PCDHGA9: variants seen among roughly 807,000 people sequenced by gnomAD.
PCDHGA9 encodes protocadherin gamma subfamily A, 9.
PCDHGA9 carries 37 observed loss-of-function variants against 62.5 expected under a neutral mutation model. The observed-to-expected ratio is 0.59, with a 90% CI of 0.46 to 0.78. PCDHGA9 has a LOEUF of 0.78. PCDHGA9 is among the 30% of genes least tolerant of loss of function. The pLI is 0.00. For missense variants in PCDHGA9, 1,138 were observed against 1,166.2 expected, an observed-to-expected ratio of 0.98 and a Z score of 0.35; for synonymous variants, 459 against 484.6, an observed-to-expected ratio of 0.95 and a Z score of 0.69.
chr5:141,484,121 C>A (rs1451102473), intron 1 of PCDHGA9, among the ~76,000 whole-genome samples: 1 of 152,152 alleles, frequency 6.6e-6, no homozygotes, highest in African/African-American at 2.4e-5. Context: ...TCAAGAATAC[C>A]TTGGTGTCAG....
intron 1 of PCDHGA9, among the ~76,000 whole-genome samples, chr5:141,406,591 A>T (rs559975786): frequency 6.6e-6 from 1 of 152,164 alleles, no homozygotes; most frequent in African/African-American, 2.4e-5. Flanking sequence ...TTTCCCTTTA[A>T]TGGTGAAAGT....
chr5:141,404,484 C>G lies in PCDHGA9; in HGVS notation c.1532C>G (p.Thr511Ser). 6.2e-7 allele frequency: 1 copy of G among 1,613,504 alleles called. No individual in the cohort carries two copies. The highest frequency in any genetic ancestry group is 2.2e-5 in the East Asian group (1 of 44,888). Residue 511 changes from threonine (T) to serine (S), a missense_variant, in exon 1 of 4, where the codon ACT becomes AGT. Coordinates refer to ENST00000573521, the MANE Select transcript of PCDHGA9 (RefSeq NM_018921.3). ...ACCTATGTCTCTATTAACTCAGACA[C>G]TGGTGTGCTGTATGCTCTGTGCTCC... ...LSTYVSINSD[T>S]GVLYALCSFD...
chr5:141,405,375 C>T lies in PCDHGA9; in HGVS notation c.2423C>T (p.Pro808Leu), dbSNP rs368501516. The change falls in exon 1 of 4, where the codon CCG (proline) becomes CTG (leucine). Residue 808 changes from proline (P) to leucine (L), a missense_variant and splice_region_variant. Transcript: ENST00000573521. ...CCTATAGAAGACACCCCTTTGGTTC[C>T]GGTGAGTTCATTTTTTTTCTTTCTT... ...KFPIEDTPLV[P>L]QAPPNTDWRF... The T allele has an allele frequency of 3.2e-5, 51 of 1,602,124 alleles. No individual in the cohort carries two copies. Among genetic ancestry groups the T allele is most frequent in the East Asian group, 6.7e-5 (3 of 44,850 alleles).
chr5:141,436,875 A>C (rs1182313546), intron 1 of PCDHGA9, among the ~76,000 whole-genome samples: 3 of 152,236 alleles, frequency 2.0e-5, no homozygotes, highest in African/African-American at 7.2e-5. Context: ...TTAGGCCATA[A>C]AAGATGGGGG....
rs1380203392 is a variant in PCDHGA9, at chr5:141,404,882, G to T, written c.1930G>T (p.Val644Leu). Residue 644 changes from valine to leucine, a missense_variant, in exon 1 of 4, where the codon GTG (valine) becomes TTG (leucine). By Grantham distance (32) the Val-to-Leu change is conservative (BLOSUM62 1). Coordinates refer to ENST00000573521, the MANE Select transcript of PCDHGA9 (RefSeq NM_018921.3). ...DRDALKQSLV[V>L]AVQDHGQPPL... is the part of the protein sequence containing the mutation. Reference sequence around the variant, plus strand: ...AGATGCGCTCAAACAGAGCCTTGTGGTGGCTGTACAGGACCATGGCCAGCC... The same window carrying T: ...AGATGCGCTCAAACAGAGCCTTGTGTTGGCTGTACAGGACCATGGCCAGCC... 3 of 1,613,772 alleles carry T rather than the reference G, an allele frequency of 1.9e-6. No individual in the cohort carries two copies. The highest frequency in any genetic ancestry group is 2.5e-6 in the Non-Finnish European group (3 of 1,179,906).
chr5:141,404,463 A>C lies in PCDHGA9; in HGVS notation c.1511A>C (p.Tyr504Ser). 6.2e-7 allele frequency: 1 copy of C among 1,612,548 alleles called. No individual in the cohort carries two copies. Residue 504 changes from tyrosine to serine, a missense_variant, in exon 1 of 4, where the codon TAT (tyrosine) becomes TCT (serine). Coordinates refer to ENST00000573521, the MANE Select transcript of PCDHGA9 (RefSeq NM_018921.3). ...DTIQGSPLST[Y>S]VSINSDTGVL... ...ATCCAAGGGTCTCCTCTCTCCACCT[A>C]TGTCTCTATTAACTCAGACACTGGT...
intron 1 of PCDHGA9, among the ~76,000 whole-genome samples, chr5:141,452,199 G>T (rs2098736057): frequency 1.3e-5 from 2 of 151,778 alleles, no homozygotes; most frequent in African/African-American, 4.8e-5. Flanking sequence ...AATTGTTTTA[G>T]ATGTTACCAA....
chr5:141,417,236 A>T (rs1387216221), intron 1 of PCDHGA9: 2 of 152,220 alleles, frequency 1.3e-5, no homozygotes, highest in Admixed American at 1.3e-4. Flanking sequence ...TTTGTTGCTT[A>T]TCTTCAGTAC....
chr5:141,477,175 A>T lies in PCDHGA9; in HGVS notation c.2425-17632A>T, dbSNP rs1338347224. On this transcript the variant is annotated intron_variant, in intron 1 of 3. Transcript: ENST00000573521. This position sits in a 1 kb window ranked among gnomAD's most constrained non-coding sequence, Gnocchi z 4.9. ...TGAATGACAACGCCCCGGAGATCAC[A>T]GTCACCTCCGTGTACAGCCCAGTAC... is the stretch of plus-strand genomic sequence containing the variant. The T allele has an allele frequency of 1.2e-6, 2 of 1,614,186 alleles. No individual in the cohort carries two copies. The highest frequency in any genetic ancestry group is 3.3e-5 in the Admixed American group (2 of 60,028).
In PCDHGA9 at chr5:141,408,826, T is replaced by C. The variant is rs138252575; in HGVS notation, c.2424+3450T>C. ...TAGACCGGGAAGAACAGAGATCTCA[T>C]AGCTTGATATTGACTGCCTTGGACG... On this transcript the variant is annotated intron_variant, in intron 1 of 3. Coordinates refer to ENST00000573521, the MANE Select transcript of PCDHGA9 (RefSeq NM_018921.3). The C allele has an allele frequency of 6.1e-5, 98 of 1,613,582 alleles. No homozygotes were observed. The African/African-American group carries it at 9.9e-4, about 16-fold the overall frequency.
intron 1 of PCDHGA9, among the ~76,000 whole-genome samples, chr5:141,464,625 T>C (rs1477206347): frequency 6.6e-6 from 1 of 152,190 alleles, no homozygotes; most frequent in East Asian, 1.9e-4. Context: ...TGTCAAGCTT[T>C]TTAATTGTTG....
At chr5:141,419,527 C>T (rs755936657) in intron 1 of PCDHGA9, 4 of 1,612,064 alleles carry the variant, frequency 2.5e-6, no homozygotes, top group Non-Finnish European at 2.5e-6. Context: ...GCGACCGTAA[C>T]GACAACGCAC....
At position 141,414,787 on chromosome 5, in the gene PCDHGA9, G is replaced by C. The variant is rs372484037; in HGVS notation, c.2424+9411G>C. ...TCATGAGCTACAGATGCAGGTGACA[G>C]CCAGCGACAGCGGGGATCCTCCACT... On this transcript the variant is annotated intron_variant, in intron 1 of 3. Coordinates refer to ENST00000573521, the MANE Select transcript of PCDHGA9 (RefSeq NM_018921.3). 12 of 1,614,230 alleles carry C rather than the reference G, an allele frequency of 7.4e-6. No homozygotes were observed. The highest frequency in any genetic ancestry group is 2.2e-5 in the East Asian group (1 of 44,874).
chr5:141,413,036 T>TGGGCTGCA, intron 1 of PCDHGA9: 1 of 805,900 alleles, frequency 1.2e-6, no homozygotes, highest in Non-Finnish European at 1.9e-6. Flanking sequence ...AACCGGCTGC[T>TGGGCTGCA]GGGCTGCAGG....
Position 141,418,262 on chromosome 5 carries a change from A to G in PCDHGA9, c.2424+12886A>G. On this transcript the variant is annotated intron_variant, in intron 1 of 3. Transcript: ENST00000573521. Reference sequence around the variant, plus strand: ...TAATGACCACGCCCCTCAATTCCGGAAAGATGAAATAAACTTAGAAATCAG... The same window carrying G: ...TAATGACCACGCCCCTCAATTCCGGGAAGATGAAATAAACTTAGAAATCAG... 2 of 1,614,068 alleles carry G rather than the reference A, an allele frequency of 1.2e-6. No homozygotes were observed. The highest frequency in any genetic ancestry group is 1.7e-6 in the Non-Finnish European group (2 of 1,179,902).
chr5:141,451,358 T>C (rs537863729), intron 1 of PCDHGA9, among the ~76,000 whole-genome samples: 1 of 152,326 alleles, frequency 6.6e-6, no homozygotes, highest in African/African-American at 2.4e-5. Flanking sequence ...CAACAGAGGA[T>C]GGATCCGCTT....
In PCDHGA9 at chr5:141,403,772, A is replaced by G; in HGVS notation, c.820A>G (p.Asn274Asp). 1 of 1,613,960 alleles carries G rather than the reference A, an allele frequency of 6.2e-7. No homozygotes were observed. The highest frequency in any genetic ancestry group is 1.7e-4 in the Middle Eastern group (1 of 6,060). Reference protein sequence around the residue: ...ATASDLDEGINGKVAYKFWKI... With the variant: ...ATASDLDEGIDGKVAYKFWKI... Reference sequence around the variant, plus strand: ...AGCCAGCGACCTGGATGAGGGAATCAACGGAAAAGTGGCATACAAATTCTG... The same window carrying G: ...AGCCAGCGACCTGGATGAGGGAATCGACGGAAAAGTGGCATACAAATTCTG... The change falls in exon 1 of 4, where the codon AAC becomes GAC. Residue 274 changes from asparagine (N) to aspartate (D), a missense_variant. Physicochemically the swap from Asn to Asp is conservative, Grantham distance 23 (BLOSUM62 1). Coordinates refer to ENST00000573521, the MANE Select transcript of PCDHGA9 (RefSeq NM_018921.3).
Position 141,489,941 on chromosome 5 carries a change from A to G in PCDHGA9, c.2425-4866A>G. Reference sequence around the variant, plus strand: ...ACCCTTATCTCTGTCATCGTGCTGGACATCAATGATAATGCTCCAACCTTC... The same window carrying G: ...ACCCTTATCTCTGTCATCGTGCTGGGCATCAATGATAATGCTCCAACCTTC... On this transcript the variant is annotated intron_variant, in intron 1 of 3. Transcript: ENST00000573521. The surrounding 1 kb of genome is among the most constrained non-coding windows in gnomAD (Gnocchi z 4.5). 1.2e-6 allele frequency: 2 copies of G among 1,614,228 alleles called. No homozygotes were observed. The highest frequency in any genetic ancestry group is 1.7e-6 in the Non-Finnish European group (2 of 1,180,034).
Position 141,402,809 on chromosome 5 carries a change from C to A in PCDHGA9, c.-144C>A. On this transcript the variant is annotated 5_prime_UTR_variant, in exon 1 of 4. Coordinates refer to ENST00000573521, the MANE Select transcript of PCDHGA9 (RefSeq NM_018921.3). Reference sequence around the variant, plus strand: ...GCGGCTACACAAAACCCGGCAGATACCACAAACCTGCTCCCAGGCTGCAGC... The same window carrying A: ...GCGGCTACACAAAACCCGGCAGATAACACAAACCTGCTCCCAGGCTGCAGC... The A allele has an allele frequency of 4.9e-6, 6 of 1,214,046 alleles. No individual in the cohort carries two copies. The highest frequency in any genetic ancestry group is 6.6e-6 in the Non-Finnish European group (6 of 905,170). 75.2% of individuals were successfully genotyped at this position (1,214,046 alleles called of 1,614,324 possible). A position where few individuals can be genotyped will look rare whatever the true frequency, so the allele number is the denominator to read the frequency against.
Sources: gnomAD v4.1 joint callset for allele counts (sites outside exome capture counted in the v4.1 genomes callset) on GRCh38, gnomAD v4.1.1 for gene constraint, Gnocchi (gnomAD v3.1) non-coding constraint, MANE v1.5 for transcripts, NCBI Gene and HGNC (gene_info 2026-07-23, HGNC 2026-07-21) for gene names.